Variants in GLRB observed in about 807,000 individuals in gnomAD.
GLRB encodes the protein glycine receptor subunit beta.
In GLRB, 33 loss-of-function variants were observed where a neutral mutation model predicts 54.2. The ratio of observed to expected loss-of-function variants is 0.61; its 90% CI spans 0.46 to 0.81. The LOEUF (loss-of-function observed/expected upper bound fraction) is 0.81, where lower values mean the gene tolerates loss of function less well. GLRB is among the 40% of genes least tolerant of loss of function. GLRB has a pLI of 0.00. For missense variants in GLRB, 572 were observed against 584.6 expected (o/e 0.98, Z 0.22); for synonymous variants, 209 against 208.2 (o/e 1.00, Z -0.03).
chr4:157,158,213 T>C (rs1202042887), intron 9 of GLRB, among the ~76,000 whole-genome samples: 2 of 152,240 alleles, frequency 1.3e-5, no homozygotes, highest in Non-Finnish European at 2.9e-5. Flanking sequence ...TTAAGTTCTT[T>C]GTAGATCCCG....
chr4:157,138,629 C>T (rs1045389171), intron 6 of GLRB, among the ~76,000 whole-genome samples, 180 bp from the exon 7 acceptor site: 23 of 152,140 alleles, frequency 1.5e-4, no homozygotes, highest in Non-Finnish European at 2.4e-4. Context: ...ATCTTTAACT[C>T]TTGTACTAGT....
chr4:157,085,538 C>A (rs1160176187), intron 2 of GLRB, among the ~76,000 whole-genome samples: 1 of 152,174 alleles, frequency 6.6e-6, no homozygotes, highest in South Asian at 2.1e-4. Context: ...ACTCTGTTAG[C>A]CAGGCTGGAG....
At chr4:157,082,990 A>ATATATATATG (rs200188630) in intron 2 of GLRB, among the ~76,000 whole-genome samples, 1 of 148,772 alleles carries the variant, frequency 6.7e-6, no homozygotes, top group African/African-American at 2.5e-5. Flanking sequence ...ATATATATAT[A>ATATATATATG]CACACATACT....
chr4:157,141,045 T>C (rs941053175), intron 7 of GLRB, among the ~76,000 whole-genome samples: 1 of 151,832 alleles, frequency 6.6e-6, no homozygotes, highest in Admixed American at 6.6e-5. Flanking sequence ...TTCAATGTGG[T>C]AAACAAGTAA....
At chr4:157,084,292 C>T (rs909461761) in intron 2 of GLRB, among the ~76,000 whole-genome samples, 1 of 152,098 alleles carries the variant, frequency 6.6e-6, no homozygotes, top group Non-Finnish European at 1.5e-5. Context: ...GAGTTTCAAA[C>T]ATTTAATAGC....
At chr4:157,119,786 G>A (rs1003457651) in intron 2 of GLRB, among the ~76,000 whole-genome samples, 2 of 151,834 alleles carry the variant, frequency 1.3e-5, no homozygotes, top group East Asian at 3.9e-4. Flanking sequence ...ACTGTTGGGG[G>A]ACTGTAAACT....
chr4:157,089,973 A>G (rs948284230), intron 2 of GLRB, among the ~76,000 whole-genome samples: 1 of 152,168 alleles, frequency 6.6e-6, no homozygotes, highest in Admixed American at 6.5e-5. Context: ...TGGTTTAGAA[A>G]TGATTATTGC....
At chr4:157,160,771 A>C (rs1334857833) in intron 9 of GLRB, among the ~76,000 whole-genome samples, 1 of 152,092 alleles carries the variant, frequency 6.6e-6, no homozygotes, top group Non-Finnish European at 1.5e-5. Context: ...CAATTTTGGA[A>C]TAAGTGTGAT....
At chr4:157,092,244 T>G (rs1734646695) in intron 2 of GLRB, among the ~76,000 whole-genome samples, 1 of 152,210 alleles carries the variant, frequency 6.6e-6, no homozygotes, top group Admixed American at 6.5e-5. Context: ...TAGGTTCTAC[T>G]TTAGAATAGA....
chr4:157,150,903 C>T (rs1332360042), intron 8 of GLRB, among the ~76,000 whole-genome samples: 2 of 151,960 alleles, frequency 1.3e-5, no homozygotes. Flanking sequence ...CTTTCTCAGT[C>T]TATTTTGTAT....
chr4:157,119,260 C>A (rs997757364), intron 2 of GLRB, among the ~76,000 whole-genome samples: 1 of 151,450 alleles, frequency 6.6e-6, no homozygotes, highest in African/African-American at 2.4e-5. Flanking sequence ...TTACCAATTC[C>A]CTTCTGCCTC....
chr4:157,120,797 A>G, intron 3 of GLRB, 135 bp downstream of exon 3: 1 of 520,376 alleles, frequency 1.9e-6, no homozygotes, highest in South Asian at 2.3e-5. Context: ...TATATAACAA[A>G]AATGTCCTTA....
At chr4:157,105,697 T>A (rs563869786) in intron 2 of GLRB, among the ~76,000 whole-genome samples, 12 of 152,242 alleles carry the variant, frequency 7.9e-5, no homozygotes, top group Admixed American at 2.0e-4. Context: ...TGTGGCCCTA[T>A]GTTGGATGCA....
At position 157,097,389 on chromosome 4, in the gene GLRB, T is replaced by G. The variant is rs868790635; in HGVS notation, c.122+19243T>G. 2.0e-5 allele frequency among the ~76,000 whole-genome samples: 3 copies of G among 152,310 alleles called. No homozygotes were observed. The South Asian group carries it at 6.2e-4, about 32-fold the overall frequency. Reference sequence around the variant, plus strand: ...TGAAAACAGATGTTTTATGAAGAAGTGATTTTCGAGAATGATAATAAACAC... The same window carrying G: ...TGAAAACAGATGTTTTATGAAGAAGGGATTTTCGAGAATGATAATAAACAC... On this transcript the variant is annotated intron_variant, in intron 2 of 9. Transcript: ENST00000264428.
intron 2 of GLRB, among the ~76,000 whole-genome samples, chr4:157,082,989 T>TACAC (rs1491047953): frequency 7.0e-6 from 1 of 142,752 alleles, no homozygotes; most frequent in African/African-American, 2.6e-5. Flanking sequence ...TATATATATA[T>TACAC]ACACACATAC....
At chr4:157,153,139 A>C (rs1737091083) in intron 9 of GLRB, 129 bp downstream of exon 9, 1 of 848,384 alleles carries the variant, frequency 1.2e-6, no homozygotes, top group Admixed American at 2.0e-5. Flanking sequence ...CACAGATGAA[A>C]ACAAACTGAG....
At chr4:157,101,317 T>A (rs1370866750) in intron 2 of GLRB, among the ~76,000 whole-genome samples, 1 of 152,104 alleles carries the variant, frequency 6.6e-6, no homozygotes, top group Non-Finnish European at 1.5e-5. Flanking sequence ...CCTATAATGT[T>A]CTGAATTGTT....
At chr4:157,084,249 AG>A (rs1734327603) in intron 2 of GLRB, among the ~76,000 whole-genome samples, 1 of 152,186 alleles carries the variant, frequency 6.6e-6, no homozygotes, top group Non-Finnish European at 1.5e-5. Flanking sequence ...CACTACCGTT[AG>A]AGAAACTTCT....
intron 8 of GLRB, among the ~76,000 whole-genome samples, chr4:157,145,017 C>G (rs1736756515): frequency 6.6e-6 from 1 of 151,722 alleles, no homozygotes; most frequent in Non-Finnish European, 1.5e-5. Flanking sequence ...GGAAAATAAC[C>G]AAAAAAACCT....
Sources: gnomAD v4.1 joint callset for allele counts (sites outside exome capture counted in the v4.1 genomes callset) on GRCh38, gnomAD v4.1.1 for gene constraint, MANE v1.5 for transcripts, NCBI Gene and HGNC (gene_info 2026-07-23, HGNC 2026-07-21) for gene names.